Variants in RBM47 observed in about 807,000 individuals in gnomAD.
The protein encoded by RBM47 is RNA-binding protein 47.
In RBM47, 21 loss-of-function variants were observed where a neutral mutation model predicts 47.1. The observed-to-expected ratio is 0.45, with a 90% CI of 0.32 to 0.64. RBM47 has a LOEUF of 0.64. Among genes scored for constraint, RBM47 ranks in the 30% least tolerant of loss-of-function variants. RBM47 has a pLI of 0.05. For synonymous variants in RBM47, 375 were observed against 361.7 expected (o/e 1.04, Z -0.42); for missense variants, 708 against 870.9 (o/e 0.81, Z 2.35).
At chr4:40,439,820 C>A (rs997856607) in intron 3 of RBM47, among the ~76,000 whole-genome samples, 1 of 152,204 alleles carries the variant, frequency 6.6e-6, no homozygotes, top group Non-Finnish European at 1.5e-5. Context: ...TGTAGGCAGA[C>A]TTGATTCCAA....
At chr4:40,531,839 T>C (rs1439708456) in intron 2 of RBM47, among the ~76,000 whole-genome samples, 5 of 151,938 alleles carry the variant, frequency 3.3e-5, no homozygotes, top group Admixed American at 6.6e-5. Context: ...ACTAGGAAGA[T>C]GGTAGTGCGA....
At chr4:40,522,302 C>A (rs997924815) in intron 2 of RBM47, among the ~76,000 whole-genome samples, 1 of 152,122 alleles carries the variant, frequency 6.6e-6, no homozygotes, top group Non-Finnish European at 1.5e-5. Flanking sequence ...GTCAGGAGTT[C>A]GAGACCAGCC....
rs1182438105 is a variant in RBM47, at chr4:40,426,130, G to A, written c.1556C>T (p.Thr519Ile). Residue 519 changes from threonine (T) to isoleucine (I), a missense_variant, in exon 7 of 7, where the codon ACT (threonine) becomes ATT (isoleucine). Physicochemically the swap from Thr to Ile is moderately conservative, Grantham distance 89 (BLOSUM62 -1). Coordinates refer to ENST00000295971, the MANE Select transcript of RBM47 (RefSeq NM_001098634.2). ...TPPPFQGRPI[T>I]PVYTVAPNVQ... ...GTTTGGAGCCACCGTGTATACTGGAGTTATTGGGCGGCCCTGAGGAGAAGA... is the reference window on the plus strand; with the variant it reads ...GTTTGGAGCCACCGTGTATACTGGAATTATTGGGCGGCCCTGAGGAGAAGA... 6.2e-7 allele frequency: 1 copy of A among 1,614,006 alleles called. No individual in the cohort carries two copies. Among genetic ancestry groups the A allele is most frequent in the Non-Finnish European group, 8.5e-7 (1 of 1,180,024 alleles).
intron 6 of RBM47, among the ~76,000 whole-genome samples, chr4:40,428,558 GGTTTAATAACCA>G (rs1470219311): frequency 6.6e-6 from 1 of 152,298 alleles, no homozygotes; most frequent in East Asian, 1.9e-4. Context: ...TGTGGACGTA[GGTTTAATAACCA>G]GTGCAAAAAG....
chr4:40,527,258 G>A (rs1446481245), intron 2 of RBM47, among the ~76,000 whole-genome samples: 1 of 151,254 alleles, frequency 6.6e-6, no homozygotes, highest in Non-Finnish European at 1.5e-5. Context: ...AAGTAGCTGG[G>A]ACTACAGGCG....
chr4:40,621,838 G>GA (rs1386385228), intron 1 of RBM47, among the ~76,000 whole-genome samples: 2 of 152,314 alleles, frequency 1.3e-5, no homozygotes, highest in East Asian at 3.9e-4. Context: ...GGGAAGTGCT[G>GA]AAACGATTGC....
At chr4:40,582,794 T>C (rs552008823) in intron 1 of RBM47, among the ~76,000 whole-genome samples, 6 of 152,282 alleles carry the variant, frequency 3.9e-5, no homozygotes, top group Admixed American at 2.0e-4. Context: ...TAGTCAGTCA[T>C]CAAAACCATT....
At chr4:40,472,149 C>T (rs1482288995) in intron 2 of RBM47, among the ~76,000 whole-genome samples, 6 of 152,152 alleles carry the variant, frequency 3.9e-5, no homozygotes, top group African/African-American at 1.4e-4. Flanking sequence ...AGATCTGACT[C>T]ATAACTAGAA....
chr4:40,550,637 T>G (rs747270744), intron 1 of RBM47, among the ~76,000 whole-genome samples: 1 of 152,092 alleles, frequency 6.6e-6, no homozygotes, highest in Non-Finnish European at 1.5e-5. Flanking sequence ...CAGGCTGGTC[T>G]CAAACTCCTG....
At chr4:40,550,207 A>G (rs1398137488) in intron 1 of RBM47, among the ~76,000 whole-genome samples, 1 of 152,172 alleles carries the variant, frequency 6.6e-6, no homozygotes, top group Admixed American at 6.5e-5. Context: ...GTGCATGATC[A>G]TTACTTTAAA....
intron 2 of RBM47, among the ~76,000 whole-genome samples, chr4:40,541,676 T>G (rs1168357338): frequency 6.6e-6 from 1 of 151,694 alleles, no homozygotes; most frequent in Non-Finnish European, 1.5e-5. Flanking sequence ...AGGCGGAGGT[T>G]GCAATGAGCC....
In RBM47 at chr4:40,568,944, G is replaced by A. The variant is rs866768927; in HGVS notation, c.-239-24438C>T. On this transcript the variant is annotated intron_variant, in intron 1 of 6. Transcript: ENST00000295971. ...TACAGTGAGCCGAGATTGCGCCATT[G>A]CACTCCAGCCTGGGCGACAATAGTG... Among the ~76,000 whole-genome samples, 4 of 151,750 alleles carry A rather than the reference G, an allele frequency of 2.6e-5. 1 individual carries two copies. The highest frequency in any genetic ancestry group is 6.8e-3 in the Middle Eastern group (2 of 294).
At chr4:40,596,991 T>C (rs549270539) in intron 1 of RBM47, among the ~76,000 whole-genome samples, 6 of 152,328 alleles carry the variant, frequency 3.9e-5, no homozygotes, top group African/African-American at 1.4e-4. Context: ...CCGGGCGCGA[T>C]GGCTCACGCC....
intron 5 of RBM47, among the ~76,000 whole-genome samples, chr4:40,433,753 G>T (rs941423427): frequency 6.7e-6 from 1 of 149,056 alleles, no homozygotes; most frequent in Non-Finnish European, 1.5e-5. Flanking sequence ...ACCGATTCAA[G>T]GAAAAACACA....
intron 2 of RBM47, chr4:40,542,937 T>C (rs1484976749): frequency 6.6e-6 from 1 of 152,222 alleles, no homozygotes; most frequent in Non-Finnish European, 1.5e-5. Context: ...ACTACTAAAG[T>C]AGCCCTGTGG....
intron 1 of RBM47, among the ~76,000 whole-genome samples, chr4:40,586,825 A>C (rs1733633110): frequency 6.6e-6 from 1 of 151,984 alleles, no homozygotes; most frequent in Admixed American, 6.6e-5. Flanking sequence ...GACAGTGCAC[A>C]CAGTCACAGT....
intron 6 of RBM47, 111 bp downstream of exon 6, chr4:40,432,540 C>T: frequency 6.5e-7 from 1 of 1,533,336 alleles, no homozygotes; most frequent in Admixed American, 2.3e-5. Context: ...CCAACCATAG[C>T]TGTAACAGAG....
At chr4:40,542,014 C>T (rs1214100584) in intron 2 of RBM47, among the ~76,000 whole-genome samples, 1 of 152,148 alleles carries the variant, frequency 6.6e-6, no homozygotes, top group African/African-American at 2.4e-5. Flanking sequence ...CCACCTCTTA[C>T]TAGAAGCTGA....
intron 1 of RBM47, among the ~76,000 whole-genome samples, chr4:40,597,257 C>A (rs1159255301): frequency 6.8e-6 from 1 of 147,458 alleles, no homozygotes; most frequent in Non-Finnish European, 1.5e-5. Context: ...GAGATTCCAT[C>A]TCAAAAAAAA....
Sources: gnomAD v4.1 joint callset for allele counts (sites outside exome capture counted in the v4.1 genomes callset) on GRCh38, gnomAD v4.1.1 for gene constraint, MANE v1.5 for transcripts, NCBI Gene and HGNC (gene_info 2026-07-23, HGNC 2026-07-21) for gene names.